The following RALY variants were observed in gnomAD, a reference collection of about 807,000 sequenced individuals.
RALY encodes the protein RNA-binding protein Raly.
Under a neutral mutation model 30.7 loss-of-function variants are expected in RALY, and 15 were observed. That is an observed-to-expected ratio of 0.49 (90% CI 0.33 to 0.75). The LOEUF (loss-of-function observed/expected upper bound fraction) is 0.75. RALY is among the 30% of genes least tolerant of loss of function. RALY has a pLI of 0.02. For synonymous variants in RALY, 177 were observed against 170.8 expected (o/e 1.04, Z -0.28); for missense variants, 339 against 414.3 (o/e 0.82, Z 1.58).
intron 1 of RALY, among the ~76,000 whole-genome samples, chr20:34,022,005 A>G (rs910372619): frequency 6.7e-6 from 1 of 149,358 alleles, no homozygotes; most frequent in African/African-American, 2.5e-5. Flanking sequence ...TGATCCTTCC[A>G]CCTTGGCCTC....
At position 34,035,179 on chromosome 20, in the gene RALY, A is replaced by AAAAAC. The variant is rs1313421861; in HGVS notation, c.-10+3579_-10+3580insCAAAA. On this transcript the variant is annotated intron_variant, in intron 2 of 9. Coordinates refer to ENST00000246194, the MANE Select transcript of RALY (RefSeq NM_016732.3). The stretch of plus-strand genomic sequence containing the variant: ...AAAAAAAAAAAAAAAAAAAAAAAAA[A>AAAAAC]AAAAAAAACAGTCTGGAGGCCACTT... Among the ~76,000 whole-genome samples, 129 of 144,820 alleles carry AAAAAC rather than the reference A, an allele frequency of 8.9e-4. 1 individual carries two copies. Among genetic ancestry groups the AAAAAC allele is most frequent in the African/African-American group, 3.3e-3 (123 of 37,326 alleles).
intron 1 of RALY, 118 bp downstream of exon 1, chr20:33,994,249 C>T (rs1009639051): frequency 6.6e-6 from 1 of 152,450 alleles, no homozygotes; most frequent in Non-Finnish European, 1.5e-5. Context: ...TTATTTCTGC[C>T]CTTCGGGGAG....
At chr20:34,032,509 TTG>T (rs961600687) in intron 2 of RALY, among the ~76,000 whole-genome samples, 16 of 11,536 alleles carry the variant, frequency 1.4e-3, no homozygotes, top group African/African-American at 0.011. Flanking sequence ...TTTTTGTGTG[TTG>T]GGGGGGGTTT....
intron 2 of RALY, among the ~76,000 whole-genome samples, chr20:34,068,264 C>G (rs1278763166): frequency 6.6e-6 from 1 of 152,176 alleles, no homozygotes; most frequent in Non-Finnish European, 1.5e-5. Flanking sequence ...AAATAGCTTA[C>G]CAAGTGAAGT....
Position 34,072,929 on chromosome 20 carries a change from A to AGTGT in RALY, c.257-606_257-603dup, listed in dbSNP as rs3835232. Among the ~76,000 whole-genome samples, 106 of 149,116 alleles carry AGTGT rather than the reference A, an allele frequency of 7.1e-4. 1 individual carries two copies. In the Middle Eastern group the frequency reaches 0.01, roughly 15 times the overall value. On this transcript the variant is annotated intron_variant, in intron 3 of 9. Transcript: ENST00000246194. Reference sequence around the variant, plus strand: ...ACACAACCCTTGTATGTATAGATGTAGTGTGTGTGTGTGTGTGTGTGTGTG... The same window carrying AGTGT: ...ACACAACCCTTGTATGTATAGATGTAGTGTGTGTGTGTGTGTGTGTGTGTGTGTG...
At chr20:34,054,788 A>T (rs1196534172) in intron 2 of RALY, among the ~76,000 whole-genome samples, 1 of 151,470 alleles carries the variant, frequency 6.6e-6, no homozygotes. Context: ...GTCACACTCC[A>T]GCCTGGGTGA....
At position 34,079,899 on chromosome 20, in the gene RALY, C is replaced by G. The variant is rs2033997701; in HGVS notation, c.*5-11C>G. 6.6e-6 allele frequency: 1 copy of G among 152,462 alleles called. No individual in the cohort carries two copies. The highest frequency in any genetic ancestry group is 6.5e-5 in the Admixed American group (1 of 15,292). 9.4% of individuals were successfully genotyped at this position (152,462 alleles called of 1,614,324 possible). ...GCCTTAGTCTCTTCTTTCTCTCTCT[C>G]TCTTTCTCAGCCTGACAGGAGCAAT... is the stretch of plus-strand genomic sequence containing the variant. On this transcript the variant is annotated splice_polypyrimidine_tract_variant and intron_variant, in intron 9 of 9. Transcript: ENST00000246194.
chr20:34,029,016 T>C (rs2032161038), intron 1 of RALY, among the ~76,000 whole-genome samples: 1 of 152,094 alleles, frequency 6.6e-6, no homozygotes, highest in Non-Finnish European at 1.5e-5. Flanking sequence ...TGTGTGGGTC[T>C]AATGGATTGG....
At position 34,030,841 on chromosome 20, in the gene RALY, TC is replaced by T. The variant is rs1313606694; in HGVS notation, c.-92-678del. 7.2e-5 allele frequency among the ~76,000 whole-genome samples: 11 copies of T among 152,254 alleles called. No homozygotes were observed. In the East Asian group the frequency reaches 2.1e-3, roughly 29 times the overall value. On this transcript the variant is annotated intron_variant, in intron 1 of 9. Coordinates refer to ENST00000246194, the MANE Select transcript of RALY (RefSeq NM_016732.3). ...CAGGGCCTTTGTACTTGCTATTCTC[TC>T]CCTGGAACACTCTTCCCTCAGATCT...
At chr20:34,019,789 C>T (rs1043835282) in intron 1 of RALY, among the ~76,000 whole-genome samples, 6 of 152,182 alleles carry the variant, frequency 3.9e-5, no homozygotes, top group African/African-American at 1.4e-4. Flanking sequence ...TGGCCGGGCG[C>T]GGTGGCTCAC....
intron 1 of RALY, among the ~76,000 whole-genome samples, chr20:34,005,060 G>A (rs1653254278): frequency 6.6e-6 from 1 of 152,198 alleles, no homozygotes; most frequent in Admixed American, 6.5e-5. Context: ...TCCTTCCAGA[G>A]AGCAGCATTT....
intron 1 of RALY, among the ~76,000 whole-genome samples, chr20:34,007,635 T>C (rs2031217307): frequency 6.6e-6 from 1 of 150,494 alleles, no homozygotes; most frequent in Admixed American, 6.6e-5. Context: ...GCCTGACCAA[T>C]ATGGTGAAAC....
At chr20:34,001,149 G>A (rs78594636) in intron 1 of RALY, among the ~76,000 whole-genome samples, 2,923 of 152,290 alleles carry the variant, frequency 0.019, 37 homozygotes, top group Non-Finnish European at 0.027. Context: ...ATTGTATGCT[G>A]AGTTCCATTA....
intron 2 of RALY, among the ~76,000 whole-genome samples, chr20:34,069,359 G>T (rs2033663428): frequency 6.6e-6 from 1 of 152,308 alleles, no homozygotes. Flanking sequence ...CACCAGTCAA[G>T]GTGAGTCCTG....
In RALY at chr20:34,076,831, T is replaced by G; in HGVS notation, c.658+16T>G. 1 of 1,612,374 alleles carries G rather than the reference T, an allele frequency of 6.2e-7. No individual in the cohort carries two copies. The highest frequency in any genetic ancestry group is 8.5e-7 in the Non-Finnish European group (1 of 1,179,190). ...GCCAATCCAGGTCAGCCTCTGAGGATTCTCACCCACCTCCATGACCAGGGC... is the reference window on the plus strand; with the variant it reads ...GCCAATCCAGGTCAGCCTCTGAGGAGTCTCACCCACCTCCATGACCAGGGC... On this transcript the variant is annotated intron_variant, in intron 7 of 9. Transcript: ENST00000246194.
At chr20:34,011,108 C>T (rs1345210443) in intron 1 of RALY, among the ~76,000 whole-genome samples, 3 of 151,956 alleles carry the variant, frequency 2.0e-5, no homozygotes, top group African/African-American at 7.3e-5. Flanking sequence ...AAACATACAT[C>T]TTCCTGAAGT....
chr20:34,066,421 G>A (rs980146211), intron 2 of RALY, among the ~76,000 whole-genome samples: 4 of 152,224 alleles, frequency 2.6e-5, no homozygotes, highest in African/African-American at 9.6e-5. Flanking sequence ...GGAGGTTGCA[G>A]TGAGCCAAGA....
chr20:34,076,062 C>T (rs1468602740), intron 6 of RALY, 22 bp downstream of exon 6: 2 of 1,587,856 alleles, frequency 1.3e-6, no homozygotes, highest in African/African-American at 1.4e-5. Flanking sequence ...TATCATATTC[C>T]TAAGTAATTT....
chr20:34,026,831 T>G (rs1280677135), intron 1 of RALY, among the ~76,000 whole-genome samples: 1 of 152,168 alleles, frequency 6.6e-6, no homozygotes, highest in African/African-American at 2.4e-5. Context: ...GCCAACAGAT[T>G]AGTAGATATT....
Sources: gnomAD v4.1 joint callset for allele counts (sites outside exome capture counted in the v4.1 genomes callset) on GRCh38, gnomAD v4.1.1 for gene constraint, MANE v1.5 for transcripts, NCBI Gene and HGNC (gene_info 2026-07-23, HGNC 2026-07-21) for gene names.